SESTD1: variants seen among roughly 807,000 people sequenced by gnomAD.
SESTD1 encodes the protein SEC14 and spectrin domain containing 1, also known as SEC14 domain and spectrin repeat-containing protein 1.
SESTD1 carries 43 observed loss-of-function variants against 101.7 expected under a neutral mutation model. That is an observed-to-expected ratio of 0.42 (90% confidence interval 0.33 to 0.55). SESTD1 has a LOEUF of 0.55. SESTD1 is among the 20% of genes least tolerant of loss of function. The pLI is 0.07. For synonymous variants in SESTD1, 283 were observed against 286.8 expected (o/e 0.99, Z 0.13); for missense variants, 647 against 815.1 (o/e 0.79, Z 2.51).
rs147660848 is a variant in SESTD1 at position 179,201,918 on chromosome 2, TATAATAATA to T, written c.-25-10061_-25-10053del. ...TGCACATGTACCCTAAAACTTAAAG[TATAATAATA>T]ATAATAATAATAATAATAATAATAA... is the stretch of plus-strand genomic sequence containing the variant. On this transcript the variant is annotated intron_variant, in intron 1 of 17. Transcript: ENST00000428443. 4.8e-3 allele frequency among the ~76,000 whole-genome samples: 493 copies of T among 103,272 alleles called. 74 individuals are homozygous for T. Among genetic ancestry groups the T allele is most frequent in the Admixed American group, 0.024 (256 of 10,702 alleles). 67.8% of individuals were successfully genotyped at this position (103,272 alleles called of 152,430 possible). A position where few individuals can be genotyped will look rare whatever the true frequency, so the allele number is the denominator to read the frequency against.
chr2:179,134,204 G>C (rs763630486), intron 9 of SESTD1, among the ~76,000 whole-genome samples: 2 of 152,072 alleles, frequency 1.3e-5, no homozygotes, highest in African/African-American at 4.8e-5. Context: ...TTTCACCTGC[G>C]TAAGGGTTTT....
rs540444324 is a variant in SESTD1 at position 179,118,463 on chromosome 2, G to A, written c.1443-850C>T. On this transcript the variant is annotated intron_variant, in intron 13 of 17. Coordinates refer to ENST00000428443, the MANE Select transcript of SESTD1 (RefSeq NM_178123.5). Reference sequence around the variant, plus strand: ...GACTCCCACTGCAGTCTCAAATACCGATAATATGTTACCAGACACTGTGCT... The same window carrying A: ...GACTCCCACTGCAGTCTCAAATACCAATAATATGTTACCAGACACTGTGCT... 8.5e-5 allele frequency among the ~76,000 whole-genome samples: 13 copies of A among 152,134 alleles called. No homozygotes were observed. In the South Asian group the frequency reaches 2.3e-3, roughly 27 times the overall value.
chr2:179,228,219 ATGTGTC>A (rs776879515), intron 1 of SESTD1, among the ~76,000 whole-genome samples: 12 of 152,148 alleles, frequency 7.9e-5, no homozygotes, highest in Non-Finnish European at 1.3e-4. Flanking sequence ...TCACGGATGT[ATGTGTC>A]TGTGTCTGTG....
chr2:179,250,881 C>A (rs528002256), intron 1 of SESTD1, among the ~76,000 whole-genome samples: 2 of 152,056 alleles, frequency 1.3e-5, no homozygotes, highest in African/African-American at 4.8e-5. Flanking sequence ...CTTTAAAAAC[C>A]TAAACATTCA....
chr2:179,237,658 A>C (rs1210054823), intron 1 of SESTD1, among the ~76,000 whole-genome samples: 1 of 152,112 alleles, frequency 6.6e-6, no homozygotes, highest in Non-Finnish European at 1.5e-5. Flanking sequence ...ATTTTTTTCC[A>C]TGGTCCCTTC....
chr2:179,263,165 T>C (rs2047506223), intron 1 of SESTD1, among the ~76,000 whole-genome samples: 1 of 152,222 alleles, frequency 6.6e-6, no homozygotes, highest in South Asian at 2.1e-4. Context: ...TTCTAGGTCC[T>C]TGGGGAATTT....
intron 6 of SESTD1, 144 bp from the exon 7 acceptor site, chr2:179,149,538 C>T: frequency 7.7e-6 from 4 of 522,586 alleles, no homozygotes; most frequent in African/African-American, 2.0e-5. Context: ...CACCAGAGCA[C>T]AACAATGTAC....
At chr2:179,116,818 T>C in intron 14 of SESTD1, 28 bp from the exon 15 acceptor site, 2 of 1,607,938 alleles carry the variant, frequency 1.2e-6, no homozygotes, top group Non-Finnish European at 1.7e-6. Context: ...ACAATGAAGC[T>C]GGATTCAGAA....
intron 1 of SESTD1, among the ~76,000 whole-genome samples, chr2:179,231,475 AAGT>A (rs1348083622): frequency 2.6e-5 from 4 of 151,920 alleles, no homozygotes; most frequent in Admixed American, 2.6e-4. Context: ...ATAAACATAC[AAGT>A]AGCTGCTACA....
Position 179,104,133 on chromosome 2 carries a change from T to C in SESTD1, c.*5766A>G, listed in dbSNP as rs1023146691. 8 of 152,142 alleles carry C rather than the reference T, an allele frequency of 5.3e-5. No individual in the cohort carries two copies. Among genetic ancestry groups the C allele is most frequent in the Non-Finnish European group, 1.0e-4 (7 of 68,010 alleles). The allele number at this position is 152,142 out of a possible 1,614,324, so 9.4% of individuals were successfully genotyped here. On this transcript the variant is annotated 3_prime_UTR_variant, in exon 18 of 18. Transcript: ENST00000428443. ...TTGCTGAGAATTTCATTACTGATTT[T>C]ATGACAGTAAGATCATCAAATTCTT...
intron 5 of SESTD1, among the ~76,000 whole-genome samples, chr2:179,168,103 T>C (rs1575457345): frequency 6.6e-6 from 1 of 152,142 alleles, no homozygotes; most frequent in East Asian, 1.9e-4. Context: ...AACTCAGGAC[T>C]GAATTGCACA....
At position 179,102,296 on chromosome 2, in the gene SESTD1, AT is replaced by A. The variant is rs1240016493; in HGVS notation, c.*7602del. ...TCAGAATATACAAGTTACATTTTTG[AT>A]TTAATGAAAGGTTTTAGGTAACACT... On this transcript the variant is annotated 3_prime_UTR_variant, in exon 18 of 18. Transcript: ENST00000428443. 6.6e-6 allele frequency: 1 copy of A among 152,138 alleles called. No homozygotes were observed. Among genetic ancestry groups the A allele is most frequent in the Non-Finnish European group, 1.5e-5 (1 of 68,010 alleles). The allele number at this position is 152,138 out of a possible 1,614,324, so 9.4% of individuals were successfully genotyped here.
At chr2:179,120,277 T>C (rs770696271) in intron 13 of SESTD1, among the ~76,000 whole-genome samples, 1 of 152,078 alleles carries the variant, frequency 6.6e-6, no homozygotes, top group Admixed American at 6.6e-5. Context: ...GGTAGTTTTT[T>C]ATAGCAATGC....
intron 5 of SESTD1, among the ~76,000 whole-genome samples, chr2:179,168,075 T>C (rs1054943953): frequency 1.2e-4 from 18 of 152,136 alleles, no homozygotes; most frequent in African/African-American, 4.1e-4. Context: ...CACTTCTAAA[T>C]ACAGTTGACC....
chr2:179,174,604 T>G (rs151010363), intron 4 of SESTD1: 26 of 372,262 alleles, frequency 7.0e-5, no homozygotes, highest in African/African-American at 5.4e-4. Flanking sequence ...AAGCACTTTT[T>G]TTTCAAAGAA....
Position 179,107,637 on chromosome 2 carries a change from TTTAAAAAA to T in SESTD1, c.*2254_*2261del, listed in dbSNP as rs1462978413. The stretch of plus-strand genomic sequence containing the variant: ...GATTCACTTGTAAGTCAGTTCTAAC[TTTAAAAAA>T]GTATGTTTAAAACATACTTCAGACT... On this transcript the variant is annotated 3_prime_UTR_variant, in exon 18 of 18. Transcript: ENST00000428443. The T allele has an allele frequency of 1.2e-4, 19 of 152,238 alleles. No individual in the cohort carries two copies. In the South Asian group the frequency reaches 3.1e-3, roughly 25 times the overall value. 9.4% of individuals were successfully genotyped at this position (152,238 alleles called of 1,614,324 possible). A position where few individuals can be genotyped will look rare whatever the true frequency, so the allele number is the denominator to read the frequency against.
intron 1 of SESTD1, among the ~76,000 whole-genome samples, chr2:179,224,870 T>C (rs1408346699): frequency 1.3e-5 from 2 of 152,170 alleles, no homozygotes; most frequent in African/African-American, 2.4e-5. Context: ...ATCTCTTCCA[T>C]GTGGCTCTTC....
At chr2:179,258,436 A>C (rs377266926) in intron 1 of SESTD1, among the ~76,000 whole-genome samples, 6 of 152,370 alleles carry the variant, frequency 3.9e-5, no homozygotes, top group African/African-American at 1.4e-4. Context: ...GAAACTCATA[A>C]GCAAAAGCTC....
At chr2:179,162,401 T>C (rs2045753168) in intron 5 of SESTD1, 1 of 152,230 alleles carries the variant, frequency 6.6e-6, no homozygotes, top group Admixed American at 6.5e-5. Context: ...GAGAGACTGA[T>C]ACTTACTTTG....
Sources: allele counts gnomAD v4.1 joint callset (sites outside exome capture counted in the v4.1 genomes callset), GRCh38; gene constraint gnomAD v4.1.1; transcripts MANE v1.5; gene names NCBI Gene and HGNC (gene_info 2026-07-23, HGNC 2026-07-21).